The following SKI variants were observed in gnomAD, a reference collection of about 807,000 sequenced individuals.
SKI encodes ski oncogene.
A neutral mutation model predicts 59.3 loss-of-function variants in SKI; 23 were observed. That is an observed-to-expected ratio of 0.39 (90% CI 0.28 to 0.55). The LOEUF is 0.55. Among genes scored for constraint, SKI ranks in the 20% least tolerant of loss-of-function variants. The pLI, the probability that SKI is intolerant of heterozygous loss-of-function variation, is 0.67. For missense variants in SKI, 1,017 were observed against 1,038.9 expected, an observed-to-expected ratio of 0.98 and a Z score of 0.29; for synonymous variants, 673 against 488.6, an observed-to-expected ratio of 1.38 and a Z score of -4.98.
chr1:2,228,713 C>CG lies in SKI; in HGVS notation c.-47dup, dbSNP rs892329453. On this transcript the variant is annotated 5_prime_UTR_variant, in exon 1 of 7. Transcript: ENST00000378536. Reference sequence around the variant, plus strand: ...GGGCGCGCGGGGCGGCGGCGGGGGCCGGGGGGGCCCGGGCGCGCGGGAGCG... The same window carrying CG: ...GGGCGCGCGGGGCGGCGGCGGGGGCCGGGGGGGGCCCGGGCGCGCGGGAGCG... 6 of 979,356 alleles carry CG rather than the reference C, an allele frequency of 6.1e-6. No homozygotes were observed. Among genetic ancestry groups the CG allele is most frequent in the African/African-American group, 1.8e-5 (1 of 55,754 alleles). 60.7% of individuals were successfully genotyped at this position (979,356 alleles called of 1,614,324 possible). A position where few individuals can be genotyped will look rare whatever the true frequency, so the allele number is the denominator to read the frequency against.
At chr1:2,247,923 C>T (rs1325711510) in intron 1 of SKI, 1 of 152,336 alleles carries the variant, frequency 6.6e-6, no homozygotes, top group African/African-American at 2.4e-5. Flanking sequence ...CGTGCCCGCC[C>T]CTTTTACCAG....
At chr1:2,279,209 C>G (rs61759151) in intron 1 of SKI, among the ~76,000 whole-genome samples, 1 of 152,218 alleles carries the variant, frequency 6.6e-6, no homozygotes, top group Non-Finnish European at 1.5e-5. Flanking sequence ...CTGAGCGGGA[C>G]TGCCTCTGGC....
intron 1 of SKI, among the ~76,000 whole-genome samples, chr1:2,295,368 T>C (rs1175293099): frequency 6.6e-6 from 1 of 152,278 alleles, no homozygotes; most frequent in Non-Finnish European, 1.5e-5. Context: ...TTCACTGTCA[T>C]ATTTTTGATT....
At chr1:2,253,805 T>C (rs917294786) in intron 1 of SKI, among the ~76,000 whole-genome samples, 3 of 152,126 alleles carry the variant, frequency 2.0e-5, no homozygotes, top group African/African-American at 4.8e-5. Context: ...GTGCCCCCCC[T>C]ACCAGGGCTG....
intron 1 of SKI, among the ~76,000 whole-genome samples, chr1:2,292,087 C>G (rs539062361): frequency 7.2e-5 from 11 of 152,250 alleles, no homozygotes; most frequent in Admixed American, 4.6e-4. Flanking sequence ...TCACGTGAGC[C>G]GATTCTTGAG....
At chr1:2,240,755 G>A in intron 1 of SKI, 2 of 985,482 alleles carry the variant, frequency 2.0e-6, no homozygotes, top group Non-Finnish European at 2.4e-6. Flanking sequence ...CCCTTGGTGG[G>A]AGGGGAGAAG....
chr1:2,230,791 C>T (rs1469222282), intron 1 of SKI, among the ~76,000 whole-genome samples: 1 of 152,182 alleles, frequency 6.6e-6, no homozygotes, highest in Non-Finnish European at 1.5e-5. Context: ...CTTGGGAGGC[C>T]TAATTAATTC....
At chr1:2,279,083 T>C (rs1034407049) in intron 1 of SKI, among the ~76,000 whole-genome samples, 2 of 152,110 alleles carry the variant, frequency 1.3e-5, no homozygotes, top group African/African-American at 4.8e-5. Context: ...TCGCCTGGAC[T>C]CTGCCCTCCT....
chr1:2,284,156 TCAGAGGCCC>T (rs969694954), intron 1 of SKI, among the ~76,000 whole-genome samples: 25 of 152,140 alleles, frequency 1.6e-4, no homozygotes, highest in African/African-American at 5.3e-4. Flanking sequence ...CACAGCTGCA[TCAGAGGCCC>T]CAGAGGCCGG....
At chr1:2,280,695 C>T (rs371565712) in intron 1 of SKI, among the ~76,000 whole-genome samples, 30 of 32,676 alleles carry the variant, frequency 9.2e-4, no homozygotes, top group South Asian at 2.8e-3. Flanking sequence ...AGAGAGAGGA[C>T]GCCCGAGAAG....
chr1:2,285,138 C>G (rs902999145), intron 1 of SKI, among the ~76,000 whole-genome samples: 2 of 152,078 alleles, frequency 1.3e-5, no homozygotes, highest in African/African-American at 4.8e-5. Context: ...GGACTTGTCC[C>G]CATCTGTCTA....
chr1:2,278,049 G>C (rs934763850), intron 1 of SKI, among the ~76,000 whole-genome samples: 1 of 152,244 alleles, frequency 6.6e-6, no homozygotes, highest in Admixed American at 6.5e-5. Context: ...CGATGGCTTC[G>C]GCTTGCTGGG....
rs1249714928 is a variant in SKI at position 2,304,110 on chromosome 1, T to A, written c.1474+8T>A. 11 of 1,612,070 alleles carry A rather than the reference T, an allele frequency of 6.8e-6. No homozygotes were observed. Among genetic ancestry groups the A allele is most frequent in the Admixed American group, 3.3e-5 (2 of 59,956 alleles). On this transcript the variant is annotated splice_region_variant and intron_variant, in intron 4 of 6. Coordinates refer to ENST00000378536, the MANE Select transcript of SKI (RefSeq NM_003036.4). ...TTGAAAGCAGGGAGGAATGTACGTG[T>A]GAGTCGCTTTCTGTGCCTCCTCCCT...
At position 2,303,215 on chromosome 1, in the gene SKI, C is replaced by T. The variant is rs1569858056; in HGVS notation, c.1096-70C>T. 14 of 1,598,004 alleles carry T rather than the reference C, an allele frequency of 8.8e-6. No homozygotes were observed. Among genetic ancestry groups the T allele is most frequent in the East Asian group, 6.7e-5 (3 of 44,810 alleles). ...CCCGCTACTGAGGGCTGGCACCCGG[C>T]GCAGCCTCAGGGACATGAAGTGGCT... On this transcript the variant is annotated intron_variant, in intron 2 of 6. Transcript: ENST00000378536. This position sits in a 1 kb window ranked among gnomAD's most constrained non-coding sequence, Gnocchi z 5.6.
In SKI at chr1:2,288,256, G is replaced by A. The variant is rs545025481; in HGVS notation, c.970-14722G>A. 5.9e-5 allele frequency among the ~76,000 whole-genome samples: 9 copies of A among 151,524 alleles called. No individual in the cohort carries two copies. In the South Asian group the frequency reaches 1.9e-3, roughly 32 times the overall value. On this transcript the variant is annotated intron_variant, in intron 1 of 6. Transcript: ENST00000378536. ...CCCGCCTCAGCCTCCCAAATAGCTG[G>A]GATTACAGGTGTGCACCACCATTCC...
intron 1 of SKI, among the ~76,000 whole-genome samples, chr1:2,280,409 C>T (rs530597896): frequency 5.3e-5 from 8 of 151,628 alleles, no homozygotes; most frequent in East Asian, 1.9e-4. Flanking sequence ...AGCCCCTTCT[C>T]ACAAGGGGGC....
At chr1:2,249,963 G>A (rs988542795) in intron 1 of SKI, among the ~76,000 whole-genome samples, 1 of 152,076 alleles carries the variant, frequency 6.6e-6, no homozygotes, top group Non-Finnish European at 1.5e-5. Context: ...GGAGTGCAGT[G>A]GTGTGATCTT....
chr1:2,305,331 C>T (rs1207848352), intron 5 of SKI, among the ~76,000 whole-genome samples: 4 of 152,310 alleles, frequency 2.6e-5, no homozygotes, highest in South Asian at 2.1e-4. Flanking sequence ...GCCCCGGCCT[C>T]GCTAAATTCA....
intron 1 of SKI, among the ~76,000 whole-genome samples, chr1:2,285,036 C>T (rs1640006923): frequency 6.6e-6 from 1 of 152,142 alleles, no homozygotes. Flanking sequence ...CGTGTTTGGG[C>T]CACCAGGGTA....
Sources: gnomAD v4.1 joint callset for allele counts (sites outside exome capture counted in the v4.1 genomes callset) on GRCh38, gnomAD v4.1.1 for gene constraint, Gnocchi (gnomAD v3.1) non-coding constraint, MANE v1.5 for transcripts, NCBI Gene and HGNC (gene_info 2026-07-23, HGNC 2026-07-21) for gene names.